Variants in OPCML observed in about 807,000 individuals in gnomAD.
OPCML encodes the protein opioid binding protein/cell adhesion molecule like.
OPCML carries 13 observed loss-of-function variants against 37.8 expected under a neutral mutation model. That is an observed-to-expected ratio of 0.34 (90% CI 0.22 to 0.55). OPCML has a LOEUF of 0.55. OPCML is among the 20% of genes least tolerant of loss of function. The pLI is 0.91. For missense variants in OPCML, 341 were observed against 435.6 expected (o/e 0.78, Z 1.93); for synonymous variants, 176 against 168.8 (o/e 1.04, Z -0.33).
intron 1 of OPCML, among the ~76,000 whole-genome samples, chr11:133,146,764 T>C (rs1949903826): frequency 6.6e-6 from 1 of 152,196 alleles, no homozygotes; most frequent in South Asian, 2.1e-4. Flanking sequence ...CCGGGACCTC[T>C]ATCTCCTATC....
At chr11:132,929,634 G>A (rs1945128061) in intron 2 of OPCML, among the ~76,000 whole-genome samples, 1 of 152,144 alleles carries the variant, frequency 6.6e-6, no homozygotes, top group Non-Finnish European at 1.5e-5. Flanking sequence ...CTAGTCTAAT[G>A]TGCCTTGTAA....
chr11:133,041,866 C>T (rs917706383), intron 1 of OPCML, among the ~76,000 whole-genome samples: 9 of 152,144 alleles, frequency 5.9e-5, no homozygotes, highest in Admixed American at 5.2e-4. Context: ...CCTTTCTGGT[C>T]CCTCCGGGTG....
At chr11:132,878,094 A>C (rs1377518626) in intron 2 of OPCML, among the ~76,000 whole-genome samples, 1 of 152,098 alleles carries the variant, frequency 6.6e-6, no homozygotes, top group Non-Finnish European at 1.5e-5. Context: ...AGGTAGGAGA[A>C]TCGCTTGAAC....
intron 2 of OPCML, among the ~76,000 whole-genome samples, chr11:132,755,526 A>T (rs1488795139): frequency 6.6e-6 from 1 of 152,344 alleles, no homozygotes; most frequent in African/African-American, 2.4e-5. Flanking sequence ...TCTTTAAAAG[A>T]GTAGTTGCAG....
intron 3 of OPCML, among the ~76,000 whole-genome samples, chr11:132,599,796 G>T (rs73041775): frequency 6.6e-6 from 1 of 152,006 alleles, no homozygotes; most frequent in Admixed American, 6.6e-5. Context: ...GCATACTGAT[G>T]TATTTCATTC....
intron 1 of OPCML, among the ~76,000 whole-genome samples, chr11:133,039,442 G>C (rs1947843930): frequency 6.6e-6 from 1 of 152,194 alleles, no homozygotes; most frequent in South Asian, 2.1e-4. Context: ...CGCTTGGGTT[G>C]GGTGAACTCT....
chr11:132,581,379 G>T (rs1427753692), intron 3 of OPCML, among the ~76,000 whole-genome samples: 1 of 152,150 alleles, frequency 6.6e-6, no homozygotes, highest in African/African-American at 2.4e-5. Flanking sequence ...ACCTAGTCAG[G>T]TTCTATAGGT....
intron 3 of OPCML, among the ~76,000 whole-genome samples, chr11:132,585,014 T>G (rs1351623983): frequency 6.6e-6 from 1 of 152,000 alleles, no homozygotes; most frequent in Non-Finnish European, 1.5e-5. Context: ...GTTACAAGAG[T>G]AGGTTACAGT....
intron 1 of OPCML, among the ~76,000 whole-genome samples, chr11:133,312,534 T>C (rs1359946875): frequency 3.3e-5 from 5 of 152,194 alleles, no homozygotes; most frequent in Non-Finnish European, 7.3e-5. Context: ...CTCTTCCCTT[T>C]GCTCAGCCTG....
chr11:132,641,369 G>T (rs1467526836), intron 3 of OPCML, among the ~76,000 whole-genome samples: 1 of 152,108 alleles, frequency 6.6e-6, no homozygotes, highest in East Asian at 1.9e-4. Flanking sequence ...CACCTCTTAA[G>T]GCAGGTGCAA....
intron 3 of OPCML, among the ~76,000 whole-genome samples, chr11:132,604,503 C>A (rs1938143125): frequency 6.6e-6 from 1 of 152,138 alleles, no homozygotes; most frequent in South Asian, 2.1e-4. Context: ...ATCATCAGCT[C>A]CCTCTCTGAT....
chr11:132,759,204 G>T (rs1440276593), intron 2 of OPCML, among the ~76,000 whole-genome samples: 1 of 152,270 alleles, frequency 6.6e-6, no homozygotes, highest in African/African-American at 2.4e-5. Context: ...CAGTTTGCCA[G>T]TATTTTATTG....
intron 3 of OPCML, among the ~76,000 whole-genome samples, chr11:132,612,482 A>G (rs1240269166): frequency 6.6e-6 from 1 of 152,200 alleles, no homozygotes; most frequent in East Asian, 1.9e-4. Flanking sequence ...TATCTTGAGC[A>G]TCTCCTCAAT....
At chr11:133,090,839 A>T (rs140518894) in intron 1 of OPCML, among the ~76,000 whole-genome samples, 1 of 152,352 alleles carries the variant, frequency 6.6e-6, no homozygotes, top group Non-Finnish European at 1.5e-5. Context: ...AGTGTGTTTG[A>T]GAGAGAATAC....
At position 132,668,951 on chromosome 11, in the gene OPCML, G is replaced by A. The variant is rs191237502; in HGVS notation, c.147-11632C>T. On this transcript the variant is annotated intron_variant, in intron 2 of 7. Coordinates refer to ENST00000524381, the MANE Select transcript of OPCML (RefSeq NM_001012393.5). Reference sequence around the variant, plus strand: ...TCTGAGGTTTATTTTCTCAGCTATAGCCACTGAGACAACTTTAACTTTTTA... The same window carrying A: ...TCTGAGGTTTATTTTCTCAGCTATAACCACTGAGACAACTTTAACTTTTTA... Among the ~76,000 whole-genome samples, 8 of 152,124 alleles carry A rather than the reference G, an allele frequency of 5.3e-5. No individual in the cohort carries two copies. In the East Asian group the frequency reaches 1.5e-3, roughly 29 times the overall value.
At chr11:133,098,719 C>T (rs1174065245) in intron 1 of OPCML, among the ~76,000 whole-genome samples, 2 of 152,172 alleles carry the variant, frequency 1.3e-5, no homozygotes, top group African/African-American at 2.4e-5. Flanking sequence ...TAGCACCATA[C>T]TTAGTGGTGA....
At chr11:133,531,744 GGA>G (rs10567773) in intron 1 of OPCML, among the ~76,000 whole-genome samples, 11,855 of 136,930 alleles carry the variant, frequency 0.087, 1,725 homozygotes, top group African/African-American at 0.3. Context: ...AGGTGGAGAG[GGA>G]GAGAGAGAGA....
At chr11:132,570,804 T>TAGAGAGAGAGAGAGAGAG (rs1203341702) in intron 3 of OPCML, among the ~76,000 whole-genome samples, 6 of 90,758 alleles carry the variant, frequency 6.6e-5, no homozygotes, top group South Asian at 3.4e-4. Context: ...TATATATATT[T>TAGAGAGAGAGAGAGAGAG]AGAGAGAGAG....
At chr11:132,814,349 T>C (rs1244779929) in intron 2 of OPCML, among the ~76,000 whole-genome samples, 1 of 152,114 alleles carries the variant, frequency 6.6e-6, no homozygotes, top group African/African-American at 2.4e-5. Context: ...ATCTGCCAAG[T>C]ACAAGCTGGA....
Sources: allele counts gnomAD v4.1 joint callset (sites outside exome capture counted in the v4.1 genomes callset), GRCh38; gene constraint gnomAD v4.1.1; transcripts MANE v1.5; gene names NCBI Gene and HGNC (gene_info 2026-07-23, HGNC 2026-07-21).